ZNF333: variants seen among roughly 807,000 people sequenced by gnomAD.
The protein encoded by ZNF333 is zinc finger protein 333.
ZNF333 carries 61 observed loss-of-function variants against 76.1 expected under a neutral mutation model. The ratio of observed to expected loss-of-function variants is 0.80; its 90% confidence interval spans 0.65 to 0.99. The LOEUF is 0.99. Among genes scored for constraint, ZNF333 ranks in the 50% least tolerant of loss-of-function variants. The pLI is 0.00. For missense variants in ZNF333, 717 were observed against 822.4 expected (o/e 0.87, Z 1.57); for synonymous variants, 284 against 305.0 (o/e 0.93, Z 0.72).
rs1180611568 is a variant in ZNF333, at chr19:14,698,935, T to TATAGATATATATAC, written c.224-263_224-262insTAGATATATATACA. Among the ~76,000 whole-genome samples, 252 of 139,340 alleles carry TATAGATATATATAC rather than the reference T, an allele frequency of 1.8e-3. 4 individuals carry two copies. Among genetic ancestry groups the TATAGATATATATAC allele is most frequent in the Non-Finnish European group, 3.1e-3 (201 of 64,978 alleles). 91.4% of individuals were successfully genotyped at this position (139,340 alleles called of 152,430 possible). A position where few individuals can be genotyped will look rare whatever the true frequency, so the allele number is the denominator to read the frequency against. On this transcript the variant is annotated intron_variant, in intron 4 of 11. Transcript: ENST00000292530. ...ATATATATATATATATATATATATA[T>TATAGATATATATAC]ACACACATATATATTTTCAATTTTA...
chr19:14,708,673 A>T (rs1050632734), intron 7 of ZNF333: 2 of 304,974 alleles, frequency 6.6e-6, no homozygotes, highest in African/African-American at 2.2e-5. Flanking sequence ...AACTCACTAG[A>T]TGCTACGAGC....
Position 14,703,828 on chromosome 19 carries a change from G to A in ZNF333, c.307-1226G>A, listed in dbSNP as rs554063684. On this transcript the variant is annotated intron_variant, in intron 5 of 11. Coordinates refer to ENST00000292530, the MANE Select transcript of ZNF333 (RefSeq NM_032433.4). Reference sequence around the variant, plus strand: ...GAGCTGGTACGGCATGTGGGCTGTGGGTCACGGGATTTGGAGATGAAGTTG... The same window carrying A: ...GAGCTGGTACGGCATGTGGGCTGTGAGTCACGGGATTTGGAGATGAAGTTG... 8.1e-4 allele frequency among the ~76,000 whole-genome samples: 124 copies of A among 152,308 alleles called. 1 individual carries two copies. The highest frequency in any genetic ancestry group is 9.0e-4 in the Non-Finnish European group (61 of 68,034).
chr19:14,714,857 G>C (rs1034498788), intron 7 of ZNF333: 1 of 152,740 alleles, frequency 6.5e-6, no homozygotes, highest in Admixed American at 6.5e-5. Context: ...CCCTTGATTT[G>C]TGGTAAGTCC....
At chr19:14,699,822 C>G (rs1397085080) in intron 5 of ZNF333, among the ~76,000 whole-genome samples, 3 of 152,072 alleles carry the variant, frequency 2.0e-5, no homozygotes, top group Admixed American at 1.3e-4. Flanking sequence ...TCAGAAAAAC[C>G]CCTCCTGGTA....
chr19:14,716,581 T>G (rs2042437960), intron 9 of ZNF333, among the ~76,000 whole-genome samples: 1 of 152,170 alleles, frequency 6.6e-6, no homozygotes, highest in Non-Finnish European at 1.5e-5. Flanking sequence ...TTTCATCACA[T>G]TTATGTACCA....
chr19:14,719,040 C>T lies in ZNF333; in HGVS notation c.1713C>T (p.Phe571=). ...TGTGCCAGGAATGTGGGCGAGCCTT[C>T]AGTGAGCCCTCATCCCTCAGGAAAC... ...PYVCQECGRA[F]SEPSSLRKHA... The change falls in exon 12 of 12, where the codon TTC becomes TTT. Residue 571 remains phenylalanine, a synonymous_variant. Coordinates refer to ENST00000292530, the MANE Select transcript of ZNF333 (RefSeq NM_032433.4). The T allele has an allele frequency of 1.2e-6, 2 of 1,613,856 alleles. No individual in the cohort carries two copies. Among genetic ancestry groups the T allele is most frequent in the African/African-American group, 2.7e-5 (2 of 74,958 alleles).
At chr19:14,715,122 G>T in intron 7 of ZNF333, 1 of 422,060 alleles carries the variant, frequency 2.4e-6, no homozygotes, top group Non-Finnish European at 4.5e-6. Context: ...ATGAACAGGT[G>T]CATGTGGTAT....
chr19:14,723,640 T>C (rs148517400), downstream of ZNF333, among the ~76,000 whole-genome samples: 304 of 152,370 alleles, frequency 2.0e-3, no homozygotes, highest in Non-Finnish European at 3.7e-3. Context: ...TCAATTTCCT[T>C]TTTGGGTTGT....
chr19:14,712,475 C>T (rs540119017), intron 7 of ZNF333, among the ~76,000 whole-genome samples: 2 of 152,254 alleles, frequency 1.3e-5, no homozygotes, highest in South Asian at 2.1e-4. Context: ...CTGGCCTCTG[C>T]CTCCCAAAGT....
At chr19:14,707,996 T>G (rs2042164750) in intron 7 of ZNF333, 3 of 400,562 alleles carry the variant, frequency 7.5e-6, no homozygotes, top group African/African-American at 6.2e-5. Context: ...TCTATTTTGT[T>G]ACTTCTTCTT....
chr19:14,716,578 A>C (rs2042437663), intron 9 of ZNF333, among the ~76,000 whole-genome samples: 1 of 152,108 alleles, frequency 6.6e-6, no homozygotes, highest in African/African-American at 2.4e-5. Context: ...CCTTTTCATC[A>C]CATTTATGTA....
chr19:14,699,149 G>A (rs776032022), intron 4 of ZNF333, 50 bp from the exon 5 acceptor site: 2 of 1,361,294 alleles, frequency 1.5e-6, no homozygotes, highest in South Asian at 2.3e-5. Context: ...TTCAATTAAT[G>A]TCACTATTTC....
chr19:14,695,527 CCT>C (rs759862035), intron 3 of ZNF333, 37 bp from the exon 4 acceptor site: 99 of 1,556,710 alleles, frequency 6.4e-5, no homozygotes, highest in Non-Finnish European at 7.8e-5. Flanking sequence ...CCCTGCAAGC[CCT>C]CTCTCTCTCA....
intron 11 of ZNF333, chr19:14,731,024 G>C (rs2042666618): frequency 1.5e-6 from 1 of 664,834 alleles, no homozygotes; most frequent in Admixed American, 2.4e-5. Flanking sequence ...CTAAATAGCA[G>C]ATATTTAGGA....
At chr19:14,725,630 G>GA (rs1451197581), downstream of ZNF333, among the ~76,000 whole-genome samples, 3 of 152,174 alleles carry the variant, frequency 2.0e-5, no homozygotes, top group East Asian at 5.8e-4. Flanking sequence ...CAGGCCAAAA[G>GA]AAAAAGGCAA....
chr19:14,714,336 G>A (rs1017622073), intron 7 of ZNF333, among the ~76,000 whole-genome samples: 6 of 152,196 alleles, frequency 3.9e-5, no homozygotes, highest in African/African-American at 1.2e-4. Flanking sequence ...AGAGGAAGAC[G>A]CCACGTGAAG....
downstream of ZNF333, among the ~76,000 whole-genome samples, chr19:14,724,055 A>G (rs539013461): frequency 1.3e-5 from 2 of 152,136 alleles, no homozygotes; most frequent in African/African-American, 2.4e-5. Flanking sequence ...ACCATCATCA[A>G]CACCCTGCAG....
In ZNF333 at chr19:14,715,373, C is replaced by T; in HGVS notation, c.512-9C>T. The T allele has an allele frequency of 1.2e-6, 2 of 1,613,490 alleles. No homozygotes were observed. On this transcript the variant is annotated splice_polypyrimidine_tract_variant and intron_variant, in intron 7 of 11. Coordinates refer to ENST00000292530, the MANE Select transcript of ZNF333 (RefSeq NM_032433.4). ...CACCAACCCTCATGCCTCTTCCCTT[C>T]TCCCCTAGCTGTGCCTGCACGTGAC...
chr19:14,730,458 CTCTT>C (rs954281617), intron 11 of ZNF333, among the ~76,000 whole-genome samples: 20 of 89,304 alleles, frequency 2.2e-4, no homozygotes, highest in African/African-American at 5.9e-4. Context: ...CTCCCTTCCT[CTCTT>C]TCTTTCACTT....
Sources: gnomAD v4.1 joint callset for allele counts (sites outside exome capture counted in the v4.1 genomes callset) on GRCh38, gnomAD v4.1.1 for gene constraint, MANE v1.5 for transcripts, NCBI Gene and HGNC (gene_info 2026-07-23, HGNC 2026-07-21) for gene names.